Variants in NAV3 observed in about 807,000 individuals in gnomAD.
NAV3 encodes the protein neuron navigator 3.
A neutral mutation model predicts 244.7 loss-of-function variants in NAV3; 87 were observed. The ratio of observed to expected loss-of-function variants is 0.36; its 90% CI spans 0.30 to 0.42. The LOEUF (loss-of-function observed/expected upper bound fraction) is 0.42. Among genes scored for constraint, NAV3 ranks in the 20% least tolerant of loss-of-function variants. The pLI is 1.00. For synonymous variants in NAV3, 1,126 were observed against 1,042.2 expected, an observed-to-expected ratio of 1.08 and a Z score of -1.55; for missense variants, 2,663 against 2,893.3, an observed-to-expected ratio of 0.92 and a Z score of 1.83.
intron 1 of NAV3, among the ~76,000 whole-genome samples, chr12:77,865,267 A>G (rs1879831489): frequency 1.3e-5 from 2 of 152,200 alleles, no homozygotes; most frequent in Admixed American, 1.3e-4. Context: ...ATTTTACTTT[A>G]AAGCGAGAGA....
intron 1 of NAV3, among the ~76,000 whole-genome samples, chr12:77,930,683 T>A (rs1269947606): frequency 1.3e-5 from 2 of 152,212 alleles, no homozygotes; most frequent in Admixed American, 6.5e-5. Context: ...GGTCACCTGT[T>A]TGTTGGATTC....
intron 24 of NAV3, among the ~76,000 whole-genome samples, chr12:78,171,539 A>G (rs1441708914): frequency 1.3e-5 from 2 of 151,696 alleles, no homozygotes; most frequent in Non-Finnish European, 3.0e-5. Flanking sequence ...AAAACTAACA[A>G]AAACCATGGT....
At chr12:77,994,605 A>G (rs1872037387) in intron 5 of NAV3, among the ~76,000 whole-genome samples, 198 bp from the exon 6 acceptor site, 1 of 147,002 alleles carries the variant, frequency 6.8e-6, no homozygotes. Flanking sequence ...GCACTGCATT[A>G]TTTCATAGTA....
chr12:77,754,862 A>T (rs187400807), intron 2 of NAV3, among the ~76,000 whole-genome samples: 1 of 152,262 alleles, frequency 6.6e-6, no homozygotes, highest in African/African-American at 2.4e-5. Context: ...TAATACTGTT[A>T]TTTGGCTCCA....
At chr12:78,195,508 C>G (rs10777818) in intron 34 of NAV3, among the ~76,000 whole-genome samples, 93,251 of 151,712 alleles carry the variant, frequency 0.61, 29,398 homozygotes, top group East Asian at 0.82. Context: ...ATCACTTGCT[C>G]ACCAGCTTCT....
At chr12:77,641,943 A>G (rs1429416910) in intron 2 of NAV3, among the ~76,000 whole-genome samples, 2 of 152,198 alleles carry the variant, frequency 1.3e-5, no homozygotes, top group African/African-American at 4.8e-5. Context: ...GTTAGGCAGA[A>G]TTACGGGCAG....
rs146745266 is a variant in NAV3 at position 77,888,143 on chromosome 12, T to C, written c.244-52176T>C. Among the ~76,000 whole-genome samples, 12 of 152,128 alleles carry C rather than the reference T, an allele frequency of 7.9e-5. No individual in the cohort carries two copies. The East Asian group carries it at 2.3e-3, about 29-fold the overall frequency. Reference sequence around the variant, plus strand: ...GTTTGCAAAAGATTTAGGAAGGTTATTTAAATGTACATTTTAAACCCATAC... The same window carrying C: ...GTTTGCAAAAGATTTAGGAAGGTTACTTAAATGTACATTTTAAACCCATAC... On this transcript the variant is annotated intron_variant, in intron 1 of 39. Coordinates refer to ENST00000397909, the MANE Select transcript of NAV3 (RefSeq NM_001024383.2).
intron 9 of NAV3, among the ~76,000 whole-genome samples, chr12:78,043,729 C>G (rs117405110): frequency 0.01 from 1,580 of 152,310 alleles, 12 homozygotes; most frequent in Non-Finnish European, 0.014. Flanking sequence ...CATAAAATGT[C>G]TTCTTTTGAG....
chr12:77,819,741 A>G (rs564077773), intron 2 of NAV3, among the ~76,000 whole-genome samples: 1 of 152,300 alleles, frequency 6.6e-6, no homozygotes, highest in African/African-American at 2.4e-5. Flanking sequence ...ATTTTACATG[A>G]AAAATCATAT....
chr12:77,607,874 A>G (rs779932367), intron 2 of NAV3, among the ~76,000 whole-genome samples: 13 of 152,114 alleles, frequency 8.5e-5, no homozygotes, highest in Admixed American at 2.6e-4. Context: ...AGCATTTTGT[A>G]AAGTTGCCCC....
At chr12:78,089,987 C>A (rs1170797060) in intron 12 of NAV3, among the ~76,000 whole-genome samples, 1 of 151,990 alleles carries the variant, frequency 6.6e-6, no homozygotes, top group South Asian at 2.1e-4. Flanking sequence ...CTCTGGACTG[C>A]CTGACATTTA....
intron 39 of NAV3, among the ~76,000 whole-genome samples, chr12:78,209,511 AT>A (rs1196208922): frequency 6.6e-6 from 1 of 151,816 alleles, no homozygotes; most frequent in East Asian, 1.9e-4. Flanking sequence ...TCATTGAACC[AT>A]TTATTCACAA....
chr12:77,908,873 A>G (rs1168312551), intron 1 of NAV3, among the ~76,000 whole-genome samples: 1 of 152,082 alleles, frequency 6.6e-6, no homozygotes, highest in Non-Finnish European at 1.5e-5. Flanking sequence ...AAAGAAGTTA[A>G]AAGTCTAAGT....
chr12:77,713,369 C>T (rs1876213444), intron 2 of NAV3, among the ~76,000 whole-genome samples: 1 of 152,086 alleles, frequency 6.6e-6, no homozygotes, highest in Non-Finnish European at 1.5e-5. Flanking sequence ...TACATATTGC[C>T]TTATTAATAG....
chr12:77,842,259 T>C (rs1391356107), intron 1 of NAV3, among the ~76,000 whole-genome samples: 1 of 152,102 alleles, frequency 6.6e-6, no homozygotes, highest in Non-Finnish European at 1.5e-5. Flanking sequence ...ACAAATACCA[T>C]ATAAAAAGCT....
chr12:78,104,727 A>G (rs908001724), intron 12 of NAV3, among the ~76,000 whole-genome samples: 20 of 152,160 alleles, frequency 1.3e-4, no homozygotes, highest in African/African-American at 4.8e-4. Flanking sequence ...CTGAATTTTG[A>G]CATATGCATC....
Position 78,059,125 on chromosome 12 carries a change from T to C in NAV3, c.2636+10T>C, listed in dbSNP as rs1282153368. On this transcript the variant is annotated intron_variant, in intron 12 of 39. Coordinates refer to ENST00000397909, the MANE Select transcript of NAV3 (RefSeq NM_001024383.2). ...CAGTGGATGCAGACAGGTAATGCTA[T>C]CAGCATATATGATGGTGAGACATGC... is the stretch of plus-strand genomic sequence containing the variant. 1.2e-5 allele frequency: 20 copies of C among 1,608,596 alleles called. No individual in the cohort carries two copies. The highest frequency in any genetic ancestry group is 1.7e-5 in the Non-Finnish European group (20 of 1,177,732).
chr12:77,994,773 A>G (rs1246599199), intron 5 of NAV3, 30 bp from the exon 6 acceptor site: 1 of 1,561,166 alleles, frequency 6.4e-7, no homozygotes, highest in Non-Finnish European at 8.7e-7. Context: ...GAATCTCTTT[A>G]ATTCAATTTC....
At chr12:78,008,274 T>C (rs1275253871) in intron 8 of NAV3, among the ~76,000 whole-genome samples, 1 of 152,216 alleles carries the variant, frequency 6.6e-6, no homozygotes, top group East Asian at 1.9e-4. Flanking sequence ...CATTCTTATT[T>C]TGTAGGCATT....
Sources: allele counts gnomAD v4.1 joint callset (sites outside exome capture counted in the v4.1 genomes callset), GRCh38; gene constraint gnomAD v4.1.1; transcripts MANE v1.5; gene names NCBI Gene and HGNC (gene_info 2026-07-23, HGNC 2026-07-21).